The following FGF10 variants were observed in gnomAD, a reference collection of about 807,000 sequenced individuals.
FGF10 encodes the protein FGF-10.
A neutral mutation model predicts 19.8 loss-of-function variants in FGF10; 2 were observed. That is an observed-to-expected ratio of 0.10 (90% CI 0.04 to 0.32). The LOEUF (loss-of-function observed/expected upper bound fraction) is 0.32. FGF10 is among the 10% of genes least tolerant of loss of function. The pLI is 1.00. For missense variants in FGF10, 191 were observed against 246.3 expected, an observed-to-expected ratio of 0.78 and a Z score of 1.50; for synonymous variants, 112 against 94.0, an observed-to-expected ratio of 1.19 and a Z score of -1.10.
At chr5:44,350,311 C>G (rs1741203720) in intron 1 of FGF10, among the ~76,000 whole-genome samples, 2 of 150,460 alleles carry the variant, frequency 1.3e-5, no homozygotes, top group South Asian at 4.1e-4. Context: ...ATGAGAAAAG[C>G]CTAAACCCAG....
chr5:44,316,007 G>A (rs1740339610), intron 1 of FGF10, among the ~76,000 whole-genome samples: 1 of 152,184 alleles, frequency 6.6e-6, no homozygotes, highest in African/African-American at 2.4e-5. Flanking sequence ...CCATAGGCAA[G>A]CGAGAGCGAG....
At chr5:44,311,385 A>T (rs17228102) in intron 1 of FGF10, among the ~76,000 whole-genome samples, 1 of 152,126 alleles carries the variant, frequency 6.6e-6, no homozygotes, top group African/African-American at 2.4e-5. Context: ...AACTAAAACT[A>T]CTTATTTCAT....
chr5:44,313,989 A>C (rs1177977586), intron 1 of FGF10, among the ~76,000 whole-genome samples: 1 of 152,134 alleles, frequency 6.6e-6, no homozygotes, highest in Non-Finnish European at 1.5e-5. Context: ...GTAAGTGATG[A>C]CTTAAGATGA....
chr5:44,335,519 A>G (rs779420970), intron 1 of FGF10, among the ~76,000 whole-genome samples: 1 of 152,188 alleles, frequency 6.6e-6, no homozygotes, highest in Non-Finnish European at 1.5e-5. Flanking sequence ...ATTCTATGTG[A>G]CAAATATAAT....
intron 1 of FGF10, among the ~76,000 whole-genome samples, chr5:44,344,156 C>T (rs533406775): frequency 2.2e-4 from 33 of 151,940 alleles, no homozygotes; most frequent in African/African-American, 7.7e-4. Flanking sequence ...AAGAGACGTC[C>T]ATAGAGAACA....
chr5:44,313,892 C>T (rs950352788), intron 1 of FGF10, among the ~76,000 whole-genome samples: 4 of 152,018 alleles, frequency 2.6e-5, no homozygotes, highest in Non-Finnish European at 4.4e-5. Context: ...AAGTCAAATA[C>T]GTAATGGCTT....
At chr5:44,333,573 T>C (rs1740785080) in intron 1 of FGF10, among the ~76,000 whole-genome samples, 1 of 152,178 alleles carries the variant, frequency 6.6e-6, no homozygotes, top group Non-Finnish European at 1.5e-5. Flanking sequence ...GGCCCCATTA[T>C]ATTCTCCATT....
At chr5:44,378,488 G>A (rs1741914815) in intron 1 of FGF10, among the ~76,000 whole-genome samples, 2 of 152,268 alleles carry the variant, frequency 1.3e-5, no homozygotes, top group African/African-American at 4.8e-5. Flanking sequence ...CTGGAGTGCT[G>A]TGGCACAATC....
chr5:44,374,520 T>G (rs1381293217), intron 1 of FGF10, among the ~76,000 whole-genome samples: 2 of 152,152 alleles, frequency 1.3e-5, no homozygotes, highest in Non-Finnish European at 2.9e-5. Context: ...TAAAATATTT[T>G]AATAATAATG....
chr5:44,350,521 T>C (rs1579924908), intron 1 of FGF10, among the ~76,000 whole-genome samples: 1 of 150,970 alleles, frequency 6.6e-6, no homozygotes, highest in Admixed American at 6.6e-5. Flanking sequence ...TGCAATACTA[T>C]TAGCAATAAA....
At chr5:44,388,297 C>A in intron 1 of FGF10, 61 bp downstream of exon 1, 9 of 1,482,932 alleles carry the variant, frequency 6.1e-6, no homozygotes, top group South Asian at 1.1e-5. Context: ...ACAGATTTTT[C>A]CCCCCCGTGT....
rs56194673 is a variant in FGF10, at chr5:44,302,282, G to GCTTCCTTCCTTCCTTCCTTCCTTCCTTC, written c.*2685_*2712dup. On this transcript the variant is annotated 3_prime_UTR_variant, in exon 3 of 3. Transcript: ENST00000264664. ...TCTTTCCTTCCTTCCTTCTTTCCTT[G>GCTTCCTTCCTTCCTTCCTTCCTTCCTTC]CTTCCTTCCTTCCTTCCTTCCTTCC... Among the ~76,000 whole-genome samples, 3 of 122,108 alleles carry GCTTCCTTCCTTCCTTCCTTCCTTCCTTC rather than the reference G, an allele frequency of 2.5e-5. No homozygotes were observed. The Admixed American group carries it at 2.6e-4, about 11-fold the overall frequency. The allele number at this position is 122,108 out of a possible 152,430, so 80.1% of individuals were successfully genotyped here.
chr5:44,369,936 T>A (rs902221386), intron 1 of FGF10, among the ~76,000 whole-genome samples: 4 of 152,168 alleles, frequency 2.6e-5, no homozygotes, highest in Non-Finnish European at 4.4e-5. Flanking sequence ...CCATCACCTC[T>A]ACACTTAATT....
chr5:44,320,857 G>A (rs1172221463), intron 1 of FGF10, among the ~76,000 whole-genome samples: 2 of 151,958 alleles, frequency 1.3e-5, no homozygotes, highest in African/African-American at 2.4e-5. Context: ...TGGAACCACA[G>A]GCATGTGCCG....
intron 1 of FGF10, among the ~76,000 whole-genome samples, chr5:44,330,680 G>A (rs1297001903): frequency 6.6e-6 from 1 of 152,138 alleles, no homozygotes; most frequent in African/African-American, 2.4e-5. Context: ...TGTATGTAAT[G>A]AATGCTGAAG....
intron 1 of FGF10, among the ~76,000 whole-genome samples, chr5:44,384,121 C>T (rs10512849): frequency 0.11 from 16,316 of 152,072 alleles, 1,192 homozygotes; most frequent in Non-Finnish European, 0.16. Context: ...GTTTCTGCAA[C>T]AGTCCAATTT....
chr5:44,312,141 C>T (rs11951506), intron 1 of FGF10, among the ~76,000 whole-genome samples: 1,750 of 151,836 alleles, frequency 0.012, 35 homozygotes, highest in African/African-American at 0.04. Context: ...ATGAAGGAGA[C>T]ATTATTTGTG....
chr5:44,364,242 G>A (rs894912331), intron 1 of FGF10, among the ~76,000 whole-genome samples: 2 of 151,788 alleles, frequency 1.3e-5, no homozygotes, highest in Non-Finnish European at 2.9e-5. Context: ...TTAAGAAAAC[G>A]TATTGGATGA....
chr5:44,359,263 G>C (rs1024227578), intron 1 of FGF10, among the ~76,000 whole-genome samples: 3 of 151,414 alleles, frequency 2.0e-5, no homozygotes, highest in South Asian at 2.1e-4. Flanking sequence ...AAAAGATTTT[G>C]GAAGAAAAAG....
Sources: allele counts gnomAD v4.1 joint callset (sites outside exome capture counted in the v4.1 genomes callset), GRCh38; gene constraint gnomAD v4.1.1; transcripts MANE v1.5; gene names NCBI Gene and HGNC (gene_info 2026-07-23, HGNC 2026-07-21).